NBEA: variants seen among roughly 807,000 people sequenced by gnomAD.
NBEA encodes neurobeachin.
NBEA carries 44 observed loss-of-function variants against 343.4 expected under a neutral mutation model. The ratio of observed to expected loss-of-function variants is 0.13; its 90% CI spans 0.10 to 0.16. NBEA has a LOEUF of 0.16. Among genes scored for constraint, NBEA ranks in the 10% least tolerant of loss-of-function variants. NBEA has a pLI of 1.00. For missense variants in NBEA, 2,555 were observed against 3,631.3 expected, an observed-to-expected ratio of 0.70 and a Z score of 7.62; for synonymous variants, 1,175 against 1,238.7, an observed-to-expected ratio of 0.95 and a Z score of 1.08.
At chr13:35,331,998 C>T (rs190057242) in intron 36 of NBEA, among the ~76,000 whole-genome samples, 20 of 152,030 alleles carry the variant, frequency 1.3e-4, no homozygotes, top group Non-Finnish European at 2.4e-4. Context: ...ACAAAAATGA[C>T]ATGATCATTA....
chr13:35,439,938 G>A (rs1055435346), intron 39 of NBEA, among the ~76,000 whole-genome samples: 1 of 152,100 alleles, frequency 6.6e-6, no homozygotes, highest in Non-Finnish European at 1.5e-5. Context: ...GGAGTGCAAT[G>A]GTGCGATCTT....
chr13:34,996,702 A>G (rs1369165934), intron 1 of NBEA, among the ~76,000 whole-genome samples: 1 of 152,078 alleles, frequency 6.6e-6, no homozygotes, highest in Non-Finnish European at 1.5e-5. Flanking sequence ...GGAAAATCAT[A>G]TTTCTGAACA....
intron 41 of NBEA, among the ~76,000 whole-genome samples, chr13:35,517,275 C>T (rs973736824): frequency 6.6e-6 from 1 of 152,132 alleles, no homozygotes; most frequent in Non-Finnish European, 1.5e-5. Context: ...CAGTCACCTC[C>T]ATTCTCTGCC....
intron 41 of NBEA, among the ~76,000 whole-genome samples, chr13:35,522,451 G>A (rs914245464): frequency 5.3e-5 from 6 of 114,038 alleles, no homozygotes; most frequent in African/African-American, 1.9e-4. Flanking sequence ...CTCCAGCCTG[G>A]GCAACAAAGC....
chr13:35,502,965 A>G (rs2076944165), intron 41 of NBEA, among the ~76,000 whole-genome samples: 1 of 152,134 alleles, frequency 6.6e-6, no homozygotes. Flanking sequence ...CTTTTAAGAT[A>G]ATAGCCACAA....
intron 31 of NBEA, among the ~76,000 whole-genome samples, chr13:35,202,312 T>C (rs117318492): frequency 0.016 from 2,392 of 152,280 alleles, 24 homozygotes; most frequent in Middle Eastern, 0.034. Flanking sequence ...CCTTAAAGTA[T>C]CTAAGGAATA....
At chr13:35,243,609 G>C (rs1391657910) in intron 34 of NBEA, among the ~76,000 whole-genome samples, 2 of 151,794 alleles carry the variant, frequency 1.3e-5, no homozygotes, top group Non-Finnish European at 3.0e-5. Context: ...ACAGAACAGG[G>C]ATGTTTAATA....
intron 48 of NBEA, among the ~76,000 whole-genome samples, chr13:35,620,301 GGA>G (rs2082924823): frequency 6.6e-6 from 1 of 152,118 alleles, no homozygotes; most frequent in Non-Finnish European, 1.5e-5. Context: ...TACCTGCAGG[GGA>G]GAGAGGTCAG....
intron 41 of NBEA, chr13:35,476,887 G>C: frequency 1.2e-6 from 1 of 852,184 alleles, no homozygotes; most frequent in Non-Finnish European, 1.4e-6. Context: ...TAGACAGTTT[G>C]GAAATCAAGA....
At chr13:35,171,568 T>G in intron 26 of NBEA, 116 bp downstream of exon 26, 2 of 847,332 alleles carry the variant, frequency 2.4e-6, no homozygotes, top group East Asian at 5.8e-5. Flanking sequence ...AATATGGAGA[T>G]TATCTTGAGA....
intron 49 of NBEA, among the ~76,000 whole-genome samples, chr13:35,643,142 T>A (rs577382865): frequency 6.6e-6 from 1 of 152,112 alleles, no homozygotes; most frequent in Non-Finnish European, 1.5e-5. Flanking sequence ...AAAATTTCTA[T>A]ATGGTAGAAA....
At chr13:35,298,219 A>ATATATATATG (rs2036283641) in intron 35 of NBEA, among the ~76,000 whole-genome samples, 1 of 41,462 alleles carries the variant, frequency 2.4e-5, no homozygotes, top group African/African-American at 1.1e-4. Flanking sequence ...GTGTATATAT[A>ATATATATATG]TATATATATA....
chr13:35,500,874 C>T (rs1330234588), intron 41 of NBEA, among the ~76,000 whole-genome samples: 9 of 151,962 alleles, frequency 5.9e-5, no homozygotes, highest in African/African-American at 1.4e-4. Context: ...AATTGTGTTA[C>T]GTAGAATAGC....
intron 55 of NBEA, among the ~76,000 whole-genome samples, chr13:35,660,766 A>C (rs1036653152): frequency 6.6e-6 from 1 of 152,232 alleles, no homozygotes; most frequent in Non-Finnish European, 1.5e-5. Flanking sequence ...TGGCCGATGG[A>C]TAGCCCAGAG....
At chr13:34,978,425 T>C (rs941163667) in intron 1 of NBEA, among the ~76,000 whole-genome samples, 2 of 152,204 alleles carry the variant, frequency 1.3e-5, no homozygotes, top group African/African-American at 4.8e-5. Flanking sequence ...TCTGGATCCG[T>C]TTAAACCAGG....
intron 31 of NBEA, among the ~76,000 whole-genome samples, chr13:35,205,720 T>C (rs1035905203): frequency 1.3e-5 from 2 of 152,096 alleles, no homozygotes. Flanking sequence ...TCAGCACTTT[T>C]GGGAGCCATA....
At chr13:35,591,572 T>G (rs1174975907) in intron 46 of NBEA, among the ~76,000 whole-genome samples, 4 of 152,118 alleles carry the variant, frequency 2.6e-5, no homozygotes, top group Non-Finnish European at 5.9e-5. Flanking sequence ...TCATTGTTGA[T>G]CTTATCTCTT....
intron 17 of NBEA, among the ~76,000 whole-genome samples, chr13:35,130,465 G>A (rs1254600327): frequency 2.0e-5 from 3 of 151,692 alleles, no homozygotes; most frequent in Non-Finnish European, 2.9e-5. Flanking sequence ...AAACTTTAAG[G>A]CAAAAAATTT....
intron 38 of NBEA, among the ~76,000 whole-genome samples, chr13:35,381,493 A>T (rs2042011207): frequency 6.6e-6 from 1 of 152,164 alleles, no homozygotes; most frequent in Non-Finnish European, 1.5e-5. Context: ...ATAAAGACAT[A>T]CATGAATATC....
Sources: allele counts gnomAD v4.1 joint callset (sites outside exome capture counted in the v4.1 genomes callset), GRCh38; gene constraint gnomAD v4.1.1; transcripts MANE v1.5; gene names NCBI Gene and HGNC (gene_info 2026-07-23, HGNC 2026-07-21).